ZNF626: variants seen among roughly 807,000 people sequenced by gnomAD.
The protein encoded by ZNF626 is CTC-513N18.7.
In ZNF626, 4 loss-of-function variants were observed where a neutral mutation model predicts 11.7. The ratio of observed to expected loss-of-function variants is 0.34; its 90% CI spans 0.17 to 0.78. The LOEUF is 0.78. ZNF626 is among the 30% of genes least tolerant of loss of function. The pLI is 0.57. For missense variants in ZNF626, 588 were observed against 587.1 expected, an observed-to-expected ratio of 1.00 and a Z score of -0.01; for synonymous variants, 179 against 198.6, an observed-to-expected ratio of 0.90 and a Z score of 0.83.
At chr19:20,659,333 T>C (rs1009818495) in intron 1 of ZNF626, among the ~76,000 whole-genome samples, 1 of 152,038 alleles carries the variant, frequency 6.6e-6, no homozygotes, top group African/African-American at 2.4e-5. Context: ...TCTGTCTCCA[T>C]GGTTCAAGCA....
chr19:20,646,395 T>G lies in ZNF626; in HGVS notation c.14A>C (p.Gln5Pro). 1.9e-6 allele frequency: 3 copies of G among 1,613,952 alleles called. No individual in the cohort carries two copies. Among genetic ancestry groups the G allele is most frequent in the Non-Finnish European group, 2.5e-6 (3 of 1,179,932 alleles). ...GAATTCTATGGCCACATCTCTAAAT[T>G]GCAATGGTCCCTGAAAAACACACAC... The part of the protein sequence containing the change: MGPL[Q>P]FRDVAIEFSL... Residue 5 changes from glutamine to proline, a missense_variant, in exon 2 of 4, where the codon CAA (glutamine) becomes CCA (proline). This residue lies in a region of ZNF626 where 524 missense variants were observed against 470.1 expected (regional missense o/e 1.11). Coordinates refer to ENST00000601440, the MANE Select transcript of ZNF626 (RefSeq NM_001076675.3).
In ZNF626 at chr19:20,620,863, G is replaced by A. The variant is rs7250999; in HGVS notation, c.*3427C>T. The A allele has an allele frequency of 0.79, 118,088 of 148,664 alleles. 47,840 individuals carry two copies. The highest frequency in any genetic ancestry group is 0.87 in the Admixed American group (13,059 of 14,984). 9.2% of individuals were successfully genotyped at this position (148,664 alleles called of 1,614,324 possible). On this transcript the variant is annotated 3_prime_UTR_variant, in exon 4 of 4. Coordinates refer to ENST00000601440, the MANE Select transcript of ZNF626 (RefSeq NM_001076675.3). ...TATTTTTTCTTTTTTTTTTTGTGACGGAGTCTTGCTCTGTTGCCCAGGCTG... is the reference window on the plus strand; with the variant it reads ...TATTTTTTCTTTTTTTTTTTGTGACAGAGTCTTGCTCTGTTGCCCAGGCTG...
chr19:20,659,187 A>C (rs191567584), intron 1 of ZNF626, among the ~76,000 whole-genome samples: 1 of 151,952 alleles, frequency 6.6e-6, no homozygotes, highest in South Asian at 2.1e-4. Context: ...CACTCTGTAC[A>C]TTTTCTCCTT....
rs3209055 is a variant in ZNF626, at chr19:20,645,773, G to A, written c.137C>T (p.Thr46Ile). 30 of 1,601,266 alleles carry A rather than the reference G, an allele frequency of 1.9e-5. No individual in the cohort carries two copies. The African/African-American group carries it at 3.6e-4, about 19-fold the overall frequency. The change falls in exon 3 of 4, where the codon ACT becomes ATT. Residue 46 changes from threonine to isoleucine, a missense_variant. Around this residue, in one of 4 missense-constraint regions of ZNF626, gnomAD observed 524 missense variants for 470.1 expected, o/e 1.11. Transcript: ENST00000601440. ...GGTGATCAGGTCTGGCTTAGAAACAGTAATACCTGTTTTATTAAAAATAAA... is the reference window on the plus strand; with the variant it reads ...GGTGATCAGGTCTGGCTTAGAAACAATAATACCTGTTTTATTAAAAATAAA... ...NYSNLVFLGI[T>I]VSKPDLITCL...
At chr19:20,660,332 A>C (rs1436453310) in intron 1 of ZNF626, among the ~76,000 whole-genome samples, 1 of 105,402 alleles carries the variant, frequency 9.5e-6, no homozygotes, top group Non-Finnish European at 1.7e-5. Context: ...TTTAATGTCC[A>C]CATCAGTTAT....
At chr19:20,649,845 ATTAG>A (rs71174724) in intron 1 of ZNF626, among the ~76,000 whole-genome samples, 33,099 of 152,096 alleles carry the variant, frequency 0.22, 3,974 homozygotes, top group East Asian at 0.46. Flanking sequence ...GCGCATTAGC[ATTAG>A]TTAGAGAAAG....
intron 3 of ZNF626, among the ~76,000 whole-genome samples, chr19:20,631,029 T>G (rs191905361): frequency 2.6e-5 from 4 of 152,006 alleles, no homozygotes; most frequent in East Asian, 3.9e-4. Flanking sequence ...ATTTCATTAT[T>G]TACCCAGTAG....
chr19:20,655,156 T>G (rs1250806718), intron 1 of ZNF626, among the ~76,000 whole-genome samples: 1 of 152,066 alleles, frequency 6.6e-6, no homozygotes, highest in Admixed American at 6.6e-5. Context: ...TGAATGCAGA[T>G]TATCTACAAA....
chr19:20,647,891 C>T (rs1970100058), intron 1 of ZNF626, among the ~76,000 whole-genome samples: 1 of 151,970 alleles, frequency 6.6e-6, no homozygotes, highest in Non-Finnish European at 1.5e-5. Context: ...TAACCATAAA[C>T]ATCAGTTTTA....
chr19:20,633,367 G>A (rs1323522210), intron 3 of ZNF626, among the ~76,000 whole-genome samples: 1 of 141,630 alleles, frequency 7.1e-6, no homozygotes. Context: ...TTGTTTGTCT[G>A]TGCCCTGCCC....
Position 20,657,020 on chromosome 19 carries a change from C to T in ZNF626, c.3+4424G>A, listed in dbSNP as rs1180065893. 3.3e-5 allele frequency among the ~76,000 whole-genome samples: 5 copies of T among 152,136 alleles called. No individual in the cohort carries two copies. In the South Asian group the frequency reaches 8.3e-4, roughly 25 times the overall value. ...TGCATGTTCATTGCAGCACTATTCA[C>T]AATAGCAAAGACGTAGACAGGCCCT... On this transcript the variant is annotated intron_variant, in intron 1 of 3. Coordinates refer to ENST00000601440, the MANE Select transcript of ZNF626 (RefSeq NM_001076675.3).
intron 3 of ZNF626, among the ~76,000 whole-genome samples, chr19:20,642,325 C>G (rs548107552): frequency 6.6e-6 from 1 of 152,152 alleles, no homozygotes; most frequent in Non-Finnish European, 1.5e-5. Flanking sequence ...TGAGACCAGG[C>G]GCAGTGGCTC....
Sources: allele counts gnomAD v4.1 joint callset (sites outside exome capture counted in the v4.1 genomes callset), GRCh38; gene constraint gnomAD v4.1.1; regional missense constraint gnomAD v4.1.1; transcripts MANE v1.5; gene names NCBI Gene and HGNC (gene_info 2026-07-23, HGNC 2026-07-21).